The following PEAK1 variants were observed in gnomAD, a reference collection of about 807,000 sequenced individuals.
The protein encoded by PEAK1 is inactive tyrosine-protein kinase PEAK1.
Under a neutral mutation model 124.7 loss-of-function variants are expected in PEAK1, and 54 were observed. The observed-to-expected ratio is 0.43, with a 90% CI of 0.35 to 0.54. PEAK1 has a LOEUF of 0.54. Among genes scored for constraint, PEAK1 ranks in the 20% least tolerant of loss-of-function variants. The pLI, the probability that PEAK1 is intolerant of heterozygous loss-of-function variation, is 0.01. For synonymous variants in PEAK1, 719 were observed against 760.0 expected (o/e 0.95, Z 0.89); for missense variants, 2,046 against 2,134.5 (o/e 0.96, Z 0.82).
intron 9 of PEAK1, among the ~76,000 whole-genome samples, chr15:77,127,475 T>A (rs2052478351): frequency 6.6e-6 from 1 of 152,098 alleles, no homozygotes. Context: ...GAACAGATAG[T>A]TGCTAGAAAT....
chr15:77,414,197 T>TTCTTTCTCTTTCCTTCCTTTCCTCCTG (rs748182971), intron 1 of PEAK1, among the ~76,000 whole-genome samples: 1 of 144,926 alleles, frequency 6.9e-6, no homozygotes, highest in South Asian at 2.2e-4. Flanking sequence ...CTTTCCTTCC[T>TTCTTTCTCTTTCCTTCCTTTCCTCCTG]TCTTTCCTTC....
intron 1 of PEAK1, among the ~76,000 whole-genome samples, chr15:77,367,884 G>A (rs997064894): frequency 6.6e-6 from 1 of 152,124 alleles, no homozygotes; most frequent in Non-Finnish European, 1.5e-5. Context: ...CCAAGCTTGG[G>A]TATGTTTCTC....
intron 1 of PEAK1, among the ~76,000 whole-genome samples, chr15:77,375,957 C>T (rs1005713621): frequency 4.6e-5 from 7 of 151,642 alleles, no homozygotes; most frequent in African/African-American, 1.7e-4. Flanking sequence ...CGAGATCGCG[C>T]CACTGCACTC....
chr15:77,182,104 T>C (rs2057305513), intron 6 of PEAK1, 64 bp from the exon 7 acceptor site: 4 of 1,277,224 alleles, frequency 3.1e-6, no homozygotes, highest in Non-Finnish European at 3.9e-6. Flanking sequence ...TTACCATTAT[T>C]AGTGACTTGA....
At chr15:77,173,811 A>C (rs2056671807) in intron 7 of PEAK1, among the ~76,000 whole-genome samples, 1 of 152,214 alleles carries the variant, frequency 6.6e-6, no homozygotes, top group Non-Finnish European at 1.5e-5. Flanking sequence ...CCAGCTGGCA[A>C]AATCCTATTT....
chr15:77,193,678 C>T (rs2057960678), intron 6 of PEAK1, among the ~76,000 whole-genome samples: 1 of 152,120 alleles, frequency 6.6e-6, no homozygotes, highest in Admixed American at 6.5e-5. Context: ...GTGGTGCGCG[C>T]TTGTAATCCC....
chr15:77,211,540 AATT>A (rs1225632506), intron 6 of PEAK1, among the ~76,000 whole-genome samples: 3 of 152,130 alleles, frequency 2.0e-5, no homozygotes, highest in African/African-American at 7.2e-5. Context: ...TGACTGCTAT[AATT>A]ATTATTCAAT....
chr15:77,382,118 CCTCT>C (rs1393346296), intron 1 of PEAK1, among the ~76,000 whole-genome samples: 3 of 152,154 alleles, frequency 2.0e-5, no homozygotes, highest in Admixed American at 6.5e-5. Context: ...CTCCCTCCCT[CCTCT>C]CTATCTATCT....
intron 5 of PEAK1, among the ~76,000 whole-genome samples, chr15:77,268,701 G>A (rs1036939176): frequency 6.6e-6 from 1 of 152,012 alleles, no homozygotes; most frequent in African/African-American, 2.4e-5. Context: ...TCACCACCTA[G>A]GCACATAGTC....
At chr15:77,148,477 T>C (rs2054334448) in intron 8 of PEAK1, among the ~76,000 whole-genome samples, 1 of 152,216 alleles carries the variant, frequency 6.6e-6, no homozygotes, top group African/African-American at 2.4e-5. Context: ...AGTCTGTTTT[T>C]CATTTCACAT....
At chr15:77,364,539 G>C (rs1645729295) in intron 2 of PEAK1, among the ~76,000 whole-genome samples, 2 of 152,198 alleles carry the variant, frequency 1.3e-5, no homozygotes, top group Admixed American at 6.5e-5. Context: ...ACTCAAGGTG[G>C]AGAGACTTAC....
intron 1 of PEAK1, among the ~76,000 whole-genome samples, chr15:77,405,703 C>CA (rs2071765002): frequency 6.6e-6 from 1 of 152,134 alleles, no homozygotes; most frequent in African/African-American, 2.4e-5. Context: ...CTGCCTTTTA[C>CA]AAAAGAATAC....
At chr15:77,289,439 G>T (rs761621216) in intron 2 of PEAK1, among the ~76,000 whole-genome samples, 1 of 152,316 alleles carries the variant, frequency 6.6e-6, no homozygotes, top group Non-Finnish European at 1.5e-5. Flanking sequence ...AATAAGTAGG[G>T]AAAGTGAAAA....
In PEAK1 at chr15:77,336,123, G is replaced by A. The variant is rs967962487; in HGVS notation, c.-603+29040C>T. ...TGAGTGCCAACTTCTCTGAGATGAA[G>A]CAAAGGGGTCTCTCCAAAAGACAGA... is the stretch of plus-strand genomic sequence containing the variant. On this transcript the variant is annotated intron_variant, in intron 2 of 9. Coordinates refer to ENST00000682557, the MANE Select transcript of PEAK1 (RefSeq NM_001385026.1). 2.1e-5 allele frequency: 21 copies of A among 985,414 alleles called. No homozygotes were observed. The African/African-American group carries it at 3.3e-4, about 16-fold the overall frequency. 61.0% of individuals were successfully genotyped at this position (985,414 alleles called of 1,614,324 possible).
intron 2 of PEAK1, among the ~76,000 whole-genome samples, chr15:77,342,172 AAC>A (rs1491208296): frequency 2.7e-4 from 33 of 123,862 alleles, no homozygotes; most frequent in African/African-American, 7.6e-4. Flanking sequence ...AAAAAAAAAA[AAC>A]ACACACACAA....
chr15:77,346,971 T>C (rs955709424), intron 2 of PEAK1, among the ~76,000 whole-genome samples: 1 of 152,138 alleles, frequency 6.6e-6, no homozygotes, highest in Non-Finnish European at 1.5e-5. Flanking sequence ...GAAGCACCAA[T>C]TTACAGTGAG....
chr15:77,146,085 C>A (rs1186257330), intron 8 of PEAK1, among the ~76,000 whole-genome samples: 4 of 152,312 alleles, frequency 2.6e-5, no homozygotes, highest in Middle Eastern at 3.4e-3. Flanking sequence ...ACCATCGCCT[C>A]CACTAGTGCA....
intron 2 of PEAK1, among the ~76,000 whole-genome samples, chr15:77,355,024 G>A (rs1004955080): frequency 4.0e-5 from 6 of 151,508 alleles, no homozygotes; most frequent in Admixed American, 2.6e-4. Context: ...GGGCGACAGA[G>A]CGAGACTCCA....
chr15:77,375,586 A>G (rs935907539), intron 1 of PEAK1, among the ~76,000 whole-genome samples: 1 of 152,248 alleles, frequency 6.6e-6, no homozygotes, highest in Non-Finnish European at 1.5e-5. Context: ...AGTTGGCTTA[A>G]GAGCTATCAC....
Sources: allele counts gnomAD v4.1 joint callset (sites outside exome capture counted in the v4.1 genomes callset), GRCh38; gene constraint gnomAD v4.1.1; transcripts MANE v1.5; gene names NCBI Gene and HGNC (gene_info 2026-07-23, HGNC 2026-07-21).